The following ERO1B variants were observed in gnomAD, a reference collection of about 807,000 sequenced individuals.
The protein encoded by ERO1B is ERO1-like protein beta.
In ERO1B, 49 loss-of-function variants were observed where a neutral mutation model predicts 75.3. That is an observed-to-expected ratio of 0.65 (90% CI 0.52 to 0.83). The LOEUF is 0.83. Among genes scored for constraint, ERO1B ranks in the 40% least tolerant of loss-of-function variants. ERO1B has a pLI of 0.00. For synonymous variants in ERO1B, 191 were observed against 192.9 expected (o/e 0.99, Z 0.08); for missense variants, 512 against 560.1 (o/e 0.91, Z 0.87).
chr1:236,260,023 G>A (rs372333450), intron 2 of ERO1B, among the ~76,000 whole-genome samples: 3 of 152,114 alleles, frequency 2.0e-5, no homozygotes, highest in South Asian at 2.1e-4. Context: ...GAAATCATAC[G>A]AAGTATCTTA....
At chr1:236,265,202 T>C (rs1243417006) in intron 2 of ERO1B, among the ~76,000 whole-genome samples, 3 of 152,290 alleles carry the variant, frequency 2.0e-5, no homozygotes, top group East Asian at 3.9e-4. Flanking sequence ...TTTCCCCATA[T>C]GCAAGACGTG....
At chr1:236,268,433 C>CTA (rs973298342) in intron 2 of ERO1B, among the ~76,000 whole-genome samples, 1 of 151,042 alleles carries the variant, frequency 6.6e-6, no homozygotes, top group Non-Finnish European at 1.5e-5. Context: ...GAGCGAGACC[C>CTA]TGTCTAAAAA....
chr1:236,249,992 T>C (rs1252610990), intron 4 of ERO1B, 25 bp from the exon 5 acceptor site: 53 of 1,460,206 alleles, frequency 3.6e-5, no homozygotes, highest in Non-Finnish European at 4.6e-5. Flanking sequence ...GTAAGTTTAG[T>C]AAAAATTATT....
rs16833481 is a variant in ERO1B at position 236,218,668 on chromosome 1, G to A, written c.1344-92C>T. 2.2e-3 allele frequency: 2,380 copies of A among 1,097,656 alleles called. 49 individuals carry two copies. In the African/African-American group the frequency reaches 0.035, roughly 16 times the overall value. 68.0% of individuals were successfully genotyped at this position (1,097,656 alleles called of 1,614,324 possible). A position where few individuals can be genotyped will look rare whatever the true frequency, so the allele number is the denominator to read the frequency against. ...TTGTTACATAAGCTATAATTTGAAAGCAAAACCTAAAATAAAAAACCTCAA... is the reference window on the plus strand; with the variant it reads ...TTGTTACATAAGCTATAATTTGAAAACAAAACCTAAAATAAAAAACCTCAA... On this transcript the variant is annotated intron_variant, in intron 15 of 15. Transcript: ENST00000354619.
intron 1 of ERO1B, among the ~76,000 whole-genome samples, chr1:236,274,619 T>C (rs1665670103): frequency 6.6e-6 from 1 of 152,226 alleles, no homozygotes; most frequent in African/African-American, 2.4e-5. Context: ...ATTGTCTCTT[T>C]AGATTTCATT....
chr1:236,230,362 A>G (rs562912383), intron 9 of ERO1B, 112 bp from the exon 10 acceptor site: 146 of 861,146 alleles, frequency 1.7e-4, no homozygotes, highest in Non-Finnish European at 2.2e-4. Context: ...CTATAATCCT[A>G]GCACTTTGGG....
intron 10 of ERO1B, among the ~76,000 whole-genome samples, chr1:236,228,052 T>C (rs1664319591): frequency 6.6e-6 from 1 of 152,178 alleles, no homozygotes; most frequent in African/African-American, 2.4e-5. Context: ...TAACAAAATA[T>C]CAGATTTGAA....
intron 13 of ERO1B, among the ~76,000 whole-genome samples, chr1:236,224,740 G>A (rs998757546): frequency 2.0e-5 from 3 of 152,076 alleles, no homozygotes; most frequent in Admixed American, 2.0e-4. Flanking sequence ...TCCTCAAAGT[G>A]GCTAAAAGCT....
chr1:236,258,329 T>C lies in ERO1B; in HGVS notation c.223-4824A>G, dbSNP rs145153662. Among the ~76,000 whole-genome samples, 64 of 152,010 alleles carry C rather than the reference T, an allele frequency of 4.2e-4. 2 individuals carry two copies. In the East Asian group the frequency reaches 9.5e-3, roughly 23 times the overall value. On this transcript the variant is annotated intron_variant, in intron 2 of 15. Coordinates refer to ENST00000354619, the MANE Select transcript of ERO1B (RefSeq NM_019891.4). ...TACAAACAAGGGAACTTCCAGTAAA[T>C]TATAGGCAAAATTTTCAACAGAAAC...
intron 3 of ERO1B, among the ~76,000 whole-genome samples, chr1:236,253,202 T>C (rs547944953): frequency 2.0e-5 from 3 of 152,318 alleles, no homozygotes; most frequent in Admixed American, 6.5e-5. Context: ...TATATTTCCA[T>C]ATTTGATCAC....
chr1:236,276,690 C>A (rs1665716309), intron 1 of ERO1B, among the ~76,000 whole-genome samples: 1 of 151,914 alleles, frequency 6.6e-6, no homozygotes, highest in Non-Finnish European at 1.5e-5. Flanking sequence ...AATAGAAGAA[C>A]CAGCAAAGGA....
chr1:236,231,153 A>G (rs1664399456), intron 9 of ERO1B, among the ~76,000 whole-genome samples: 1 of 152,162 alleles, frequency 6.6e-6, no homozygotes, highest in African/African-American at 2.4e-5. Context: ...ATTTTCTAAG[A>G]CTAATAAGTT....
intron 2 of ERO1B, among the ~76,000 whole-genome samples, chr1:236,269,103 C>T (rs548661775): frequency 2.3e-4 from 35 of 151,738 alleles, no homozygotes; most frequent in Non-Finnish European, 2.7e-4. Flanking sequence ...GGTGTGGTGG[C>T]GGGCGCCTGT....
intron 3 of ERO1B, 85 bp from the exon 4 acceptor site, chr1:236,252,176 C>G: frequency 1.2e-6 from 1 of 828,808 alleles, no homozygotes; most frequent in Non-Finnish European, 2.1e-6. Context: ...ATGCATTGCT[C>G]TATTTCATCA....
intron 3 of ERO1B, among the ~76,000 whole-genome samples, chr1:236,252,315 A>G (rs1316772167): frequency 6.6e-6 from 1 of 152,214 alleles, no homozygotes; most frequent in Non-Finnish European, 1.5e-5. Context: ...AATGACATAC[A>G]CAAAGTAAGA....
In ERO1B at chr1:236,226,495, AACT is replaced by A; in HGVS notation, c.823_825del (p.Ser275del). On this transcript the variant is annotated inframe_deletion, in exon 12 of 16. Coordinates refer to ENST00000354619, the MANE Select transcript of ERO1B (RefSeq NM_019891.4). The stretch of plus-strand genomic sequence containing the variant: ...TTGAATTCTTTAATATTAGGTCCCC[AACT>A]GGGCTTACCCCAGGTTTCTAAAGAG... The A allele has an allele frequency of 6.2e-7, 1 of 1,613,324 alleles. No individual in the cohort carries two copies. The highest frequency in any genetic ancestry group is 8.5e-7 in the Non-Finnish European group (1 of 1,179,890).
At chr1:236,268,581 T>C (rs1665509942) in intron 2 of ERO1B, among the ~76,000 whole-genome samples, 2 of 152,136 alleles carry the variant, frequency 1.3e-5, no homozygotes, top group Admixed American at 6.5e-5. Flanking sequence ...GGCAAGACCC[T>C]GTCTCTAAAA....
rs1479158042 is a variant in ERO1B at position 236,274,127 on chromosome 1, G to T, written c.103-4133C>A. On this transcript the variant is annotated intron_variant, in intron 1 of 15. Coordinates refer to ENST00000354619, the MANE Select transcript of ERO1B (RefSeq NM_019891.4). ...GCCTCCCGAGTAGCTGGGACTACAG[G>T]CACATGCCACCATGCCCAGCTAATT... 2.6e-5 allele frequency among the ~76,000 whole-genome samples: 4 copies of T among 151,784 alleles called. No individual in the cohort carries two copies. The South Asian group carries it at 6.3e-4, about 24-fold the overall frequency.
intron 10 of ERO1B, among the ~76,000 whole-genome samples, chr1:236,228,555 C>A (rs1278306743): frequency 6.6e-6 from 1 of 152,210 alleles, no homozygotes; most frequent in African/African-American, 2.4e-5. Flanking sequence ...TAGAGCAATT[C>A]AATTACACAA....
Sources: allele counts gnomAD v4.1 joint callset (sites outside exome capture counted in the v4.1 genomes callset), GRCh38; gene constraint gnomAD v4.1.1; transcripts MANE v1.5; gene names NCBI Gene and HGNC (gene_info 2026-07-23, HGNC 2026-07-21).